The following CDH18 variants were observed in gnomAD, a reference collection of about 807,000 sequenced individuals.
CDH18 encodes the protein cadherin 18.
CDH18 carries 31 observed loss-of-function variants against 67.9 expected under a neutral mutation model. The observed-to-expected ratio is 0.46, with a 90% CI of 0.34 to 0.62. CDH18 has a LOEUF of 0.62. CDH18 is among the 20% of genes least tolerant of loss of function. The pLI, the probability that CDH18 is intolerant of heterozygous loss-of-function variation, is 0.01. For missense variants in CDH18, 890 were observed against 975.5 expected (o/e 0.91, Z 1.17); for synonymous variants, 362 against 347.2 (o/e 1.04, Z -0.48).
intron 2 of CDH18, among the ~76,000 whole-genome samples, chr5:19,939,402 GC>G (rs56316614): frequency 0.42 from 64,022 of 151,154 alleles, 15,940 homozygotes; most frequent in Middle Eastern, 0.63. Flanking sequence ...AGGCAGTCTA[GC>G]CTTTTATTAT....
At position 19,993,589 on chromosome 5, in the gene CDH18, C is replaced by T. The variant is rs1800099805; in HGVS notation, c.-517-1575G>A. On this transcript the variant is annotated intron_variant, in intron 2 of 14. Coordinates refer to the CDH18 transcript ENST00000507958. ...CCACTTGAACTACACCTATTCCTTG[C>T]TTTTTCTGTAGCACACACATATACA... Among the ~76,000 whole-genome samples, 3 of 152,032 alleles carry T rather than the reference C, an allele frequency of 2.0e-5. No homozygotes were observed. The South Asian group carries it at 6.2e-4, about 32-fold the overall frequency.
chr5:19,798,448 C>T (rs1170330029), intron 3 of CDH18, among the ~76,000 whole-genome samples: 1 of 151,808 alleles, frequency 6.6e-6, no homozygotes, highest in African/African-American at 2.4e-5. Flanking sequence ...GATGAATTTC[C>T]AGACCTTTGG....
intron 2 of CDH18, among the ~76,000 whole-genome samples, chr5:20,201,789 G>C (rs186413166): frequency 7.5e-4 from 114 of 152,260 alleles, no homozygotes; most frequent in African/African-American, 2.6e-3. Context: ...AAGAGACAGA[G>C]AAGCACATTC....
At chr5:20,448,224 T>G (rs1055958106) in intron 1 of CDH18, among the ~76,000 whole-genome samples, 3 of 152,114 alleles carry the variant, frequency 2.0e-5, no homozygotes, top group Admixed American at 2.0e-4. Context: ...ACAAAGGACA[T>G]GAATTCATCA....
intron 10 of CDH18, among the ~76,000 whole-genome samples, chr5:19,513,869 T>C (rs1745507488): frequency 6.6e-6 from 1 of 152,180 alleles, no homozygotes; most frequent in African/African-American, 2.4e-5. Flanking sequence ...TTTTATACTT[T>C]AAGTTCTAGG....
chr5:20,206,523 C>T (rs1283935624), intron 2 of CDH18, among the ~76,000 whole-genome samples: 4 of 151,544 alleles, frequency 2.6e-5, no homozygotes, highest in Non-Finnish European at 5.9e-5. Flanking sequence ...GACAAAGATA[C>T]AAGAAAAAAG....
chr5:19,728,420 C>G (rs1015506401), intron 4 of CDH18, among the ~76,000 whole-genome samples: 3 of 152,130 alleles, frequency 2.0e-5, no homozygotes, highest in Non-Finnish European at 4.4e-5. Flanking sequence ...ATGTTTTATA[C>G]AAATCTGAGA....
intron 12 of CDH18, among the ~76,000 whole-genome samples, chr5:19,476,460 G>T (rs1738487348): frequency 1.3e-5 from 2 of 151,926 alleles, no homozygotes; most frequent in Non-Finnish European, 2.9e-5. Context: ...AAAGGCTTTT[G>T]CTGAACATAG....
chr5:19,729,272 T>C (rs1414022257), intron 4 of CDH18, among the ~76,000 whole-genome samples: 6 of 152,218 alleles, frequency 3.9e-5, no homozygotes, highest in Non-Finnish European at 8.8e-5. Flanking sequence ...TTATAAGCCA[T>C]TGAATTTAAT....
chr5:19,797,411 T>C (rs1776974098), intron 3 of CDH18, among the ~76,000 whole-genome samples: 1 of 151,968 alleles, frequency 6.6e-6, no homozygotes, highest in Non-Finnish European at 1.5e-5. Context: ...TTAGGTAATG[T>C]TATTTTCCAT....
chr5:19,654,240 G>T (rs1429004473), intron 5 of CDH18, among the ~76,000 whole-genome samples: 1 of 152,138 alleles, frequency 6.6e-6, no homozygotes, highest in African/African-American at 2.4e-5. Context: ...GAGTTATGAT[G>T]ATAAGAGCAA....
intron 6 of CDH18, among the ~76,000 whole-genome samples, chr5:19,597,960 A>C (rs1746438296): frequency 6.6e-6 from 1 of 152,194 alleles, no homozygotes; most frequent in Non-Finnish European, 1.5e-5. Context: ...TTTGTTAATT[A>C]GAATGTAGTG....
chr5:19,877,567 T>C (rs2150044833), intron 2 of CDH18, among the ~76,000 whole-genome samples: 1 of 152,278 alleles, frequency 6.6e-6, no homozygotes, highest in South Asian at 2.1e-4. Context: ...AATTTTTTTA[T>C]TGACTTATTC....
chr5:20,513,909 A>C (rs1755202863), intron 1 of CDH18, among the ~76,000 whole-genome samples: 1 of 152,150 alleles, frequency 6.6e-6, no homozygotes, highest in African/African-American at 2.4e-5. Context: ...CTCCTAGAAA[A>C]TAGTTTAAAG....
intron 2 of CDH18, among the ~76,000 whole-genome samples, chr5:20,196,788 C>T (rs1165466373): frequency 6.6e-6 from 1 of 152,134 alleles, no homozygotes; most frequent in Non-Finnish European, 1.5e-5. Context: ...CATGATTACT[C>T]ATTTACTCAA....
intron 7 of CDH18, among the ~76,000 whole-genome samples, chr5:19,588,368 TA>T (rs1346068585): frequency 6.6e-6 from 1 of 151,996 alleles, no homozygotes; most frequent in African/African-American, 2.4e-5. Flanking sequence ...GGGAATTCAT[TA>T]CCACCATATC....
At chr5:20,129,032 G>C (rs770215477) in intron 2 of CDH18, among the ~76,000 whole-genome samples, 5 of 151,858 alleles carry the variant, frequency 3.3e-5, no homozygotes, top group Non-Finnish European at 5.9e-5. Context: ...AACACAATAA[G>C]GTACTCAATC....
intron 2 of CDH18, among the ~76,000 whole-genome samples, chr5:20,119,088 A>G (rs1316916441): frequency 6.6e-6 from 1 of 152,292 alleles, no homozygotes; most frequent in East Asian, 1.9e-4. Context: ...GTTCTGAAGC[A>G]TCAATGCATG....
intron 2 of CDH18, among the ~76,000 whole-genome samples, chr5:19,999,133 G>C (rs1187986285): frequency 1.3e-5 from 2 of 152,012 alleles, no homozygotes; most frequent in Non-Finnish European, 2.9e-5. Context: ...ATTAGATAAA[G>C]TCCCTGTAAA....
Sources: gnomAD v4.1 joint callset for allele counts (sites outside exome capture counted in the v4.1 genomes callset) on GRCh38, gnomAD v4.1.1 for gene constraint, MANE v1.5 for transcripts, NCBI Gene and HGNC (gene_info 2026-07-23, HGNC 2026-07-21) for gene names.